Variants in CADPS2 observed in about 807,000 individuals in gnomAD.
The protein encoded by CADPS2 is calcium-dependent secretion activator 2.
In CADPS2, 93 loss-of-function variants were observed where a neutral mutation model predicts 172.5. The observed-to-expected ratio is 0.54, with a 90% CI of 0.46 to 0.64. The LOEUF (loss-of-function observed/expected upper bound fraction) is 0.64. CADPS2 is among the 30% of genes least tolerant of loss of function. The pLI is 0.00. For synonymous variants in CADPS2, 546 were observed against 555.2 expected, an observed-to-expected ratio of 0.98 and a Z score of 0.23; for missense variants, 1,420 against 1,565.9, an observed-to-expected ratio of 0.91 and a Z score of 1.57.
At chr7:122,550,093 C>T (rs2064072673) in intron 8 of CADPS2, among the ~76,000 whole-genome samples, 1 of 152,120 alleles carries the variant, frequency 6.6e-6, no homozygotes, top group Admixed American at 6.6e-5. Context: ...CATGCTGTCC[C>T]AACCTCTGGA....
intron 9 of CADPS2, among the ~76,000 whole-genome samples, chr7:122,506,910 A>T (rs1011402680): frequency 1.3e-5 from 2 of 152,132 alleles, no homozygotes; most frequent in East Asian, 3.9e-4. Context: ...TCTTTTCAGA[A>T]CAATGTTGAG....
At chr7:122,849,930 C>A (rs1297406142) in intron 1 of CADPS2, 1 of 557,186 alleles carries the variant, frequency 1.8e-6, no homozygotes, top group Non-Finnish European at 3.3e-6. Context: ...CTGGCCCAGG[C>A]CCCAGCTCCT....
intron 1 of CADPS2, among the ~76,000 whole-genome samples, chr7:122,866,384 G>A (rs1818326386): frequency 6.6e-6 from 1 of 151,988 alleles, no homozygotes; most frequent in African/African-American, 2.4e-5. Flanking sequence ...CTCTAAGAGG[G>A]TGCCTTAAAT....
In CADPS2 at chr7:122,492,259, G is replaced by T. The variant is rs144074284; in HGVS notation, c.1543-839C>A. On this transcript the variant is annotated intron_variant, in intron 9 of 29. Transcript: ENST00000449022. ...CTCACTAAAAGTTGAGAATTTAGTG[G>T]CCACATAATGAAAACCTCAGGCAGG... 3.7e-3 allele frequency among the ~76,000 whole-genome samples: 564 copies of T among 151,996 alleles called. 2 individuals are homozygous for T. Among genetic ancestry groups the T allele is most frequent in the Non-Finnish European group, 6.3e-3 (426 of 67,956 alleles).
In CADPS2 at chr7:122,530,538, A is replaced by G. The variant is rs114896718; in HGVS notation, c.1476-17223T>C. 7.4e-3 allele frequency among the ~76,000 whole-genome samples: 1,133 copies of G among 152,216 alleles called. 18 individuals carry two copies. The highest frequency in any genetic ancestry group is 0.026 in the African/African-American group (1,073 of 41,560). On this transcript the variant is annotated intron_variant, in intron 8 of 29. Coordinates refer to ENST00000449022, the MANE Select transcript of CADPS2 (RefSeq NM_017954.11). ...TTACCTTTCAAAAGATAAATTTTCT[A>G]TATTCTAAGTATTGTGCTTTATGCT...
At chr7:122,847,270 A>T (rs1812244202) in intron 1 of CADPS2, among the ~76,000 whole-genome samples, 1 of 152,102 alleles carries the variant, frequency 6.6e-6, no homozygotes, top group Admixed American at 6.5e-5. Context: ...TATTTTTACT[A>T]GAGACAGGGT....
chr7:122,772,940 T>C (rs1017557733), intron 1 of CADPS2, among the ~76,000 whole-genome samples: 2 of 152,090 alleles, frequency 1.3e-5, no homozygotes, highest in African/African-American at 2.4e-5. Context: ...AGACAAAATT[T>C]CTGTTTATCA....
intron 3 of CADPS2, among the ~76,000 whole-genome samples, chr7:122,640,512 GA>G (rs1287034651): frequency 1.3e-5 from 2 of 149,268 alleles, no homozygotes; most frequent in Non-Finnish European, 3.0e-5. Flanking sequence ...GAGAGAGAGA[GA>G]AAAAAAAAGA....
chr7:122,846,414 A>G (rs1812004962), intron 1 of CADPS2, among the ~76,000 whole-genome samples: 1 of 152,228 alleles, frequency 6.6e-6, no homozygotes, highest in South Asian at 2.1e-4. Context: ...TTTCAAAAGT[A>G]AACTTTAGGC....
At chr7:122,406,586 G>T (rs547590429) in intron 20 of CADPS2, among the ~76,000 whole-genome samples, 91 of 152,278 alleles carry the variant, frequency 6.0e-4, no homozygotes, top group Admixed American at 9.8e-4. Context: ...GAAATGGAGT[G>T]AGGTCTATTC....
chr7:122,567,327 T>C (rs933080800), intron 7 of CADPS2, among the ~76,000 whole-genome samples: 3 of 152,232 alleles, frequency 2.0e-5, no homozygotes, highest in South Asian at 4.1e-4. Flanking sequence ...CTCCCATCAC[T>C]AGATACTCAG....
chr7:122,773,051 G>A (rs913653831), intron 1 of CADPS2, among the ~76,000 whole-genome samples: 3 of 152,056 alleles, frequency 2.0e-5, no homozygotes, highest in African/African-American at 7.2e-5. Context: ...TTAGATCTCA[G>A]TATAATGAAG....
At chr7:122,538,646 A>G (rs563272233) in intron 8 of CADPS2, among the ~76,000 whole-genome samples, 6 of 146,680 alleles carry the variant, frequency 4.1e-5, no homozygotes, top group African/African-American at 1.3e-4. Flanking sequence ...TAGAAAGGCC[A>G]GTAAAACCAA....
intron 7 of CADPS2, among the ~76,000 whole-genome samples, chr7:122,563,204 T>C (rs1463878578): frequency 2.0e-5 from 3 of 152,186 alleles, no homozygotes; most frequent in Admixed American, 1.3e-4. Context: ...AATATGTATA[T>C]AGACAGGAAA....
intron 6 of CADPS2, among the ~76,000 whole-genome samples, chr7:122,586,786 C>T (rs915468743): frequency 2.1e-4 from 32 of 151,938 alleles, no homozygotes; most frequent in African/African-American, 6.3e-4. Context: ...TTTAATATAT[C>T]GGGATCCTAA....
intron 3 of CADPS2, among the ~76,000 whole-genome samples, chr7:122,659,379 C>T (rs941596490): frequency 8.1e-5 from 12 of 147,358 alleles, no homozygotes; most frequent in African/African-American, 3.0e-4. Context: ...GTGGATTTGA[C>T]ATTGCTGAGG....
At chr7:122,477,163 G>A (rs2056792907) in intron 12 of CADPS2, among the ~76,000 whole-genome samples, 2 of 151,684 alleles carry the variant, frequency 1.3e-5, no homozygotes, top group African/African-American at 4.8e-5. Flanking sequence ...CAGTTTGCTG[G>A]CCCTCTGGCC....
chr7:122,722,855 G>A (rs2090612114), intron 2 of CADPS2, among the ~76,000 whole-genome samples: 1 of 151,722 alleles, frequency 6.6e-6, no homozygotes, highest in Non-Finnish European at 1.5e-5. Flanking sequence ...GAACAGAATA[G>A]AGCCCTCAGA....
intron 17 of CADPS2, among the ~76,000 whole-genome samples, chr7:122,419,317 G>A (rs901502602): frequency 1.1e-4 from 16 of 152,104 alleles, no homozygotes; most frequent in African/African-American, 2.2e-4. Flanking sequence ...ACGATAAAAC[G>A]CAGCTGTAGT....
Sources: gnomAD v4.1 joint callset for allele counts (sites outside exome capture counted in the v4.1 genomes callset) on GRCh38, gnomAD v4.1.1 for gene constraint, MANE v1.5 for transcripts, NCBI Gene and HGNC (gene_info 2026-07-23, HGNC 2026-07-21) for gene names.